The following PFKFB1 variants were observed in gnomAD, a reference collection of about 807,000 sequenced individuals.
PFKFB1 encodes 6-phosphofructo-2-kinase/fructose-2,6-bisphosphatase 1.
Under a neutral mutation model 46.4 loss-of-function variants are expected in PFKFB1, and 34 were observed. The ratio of observed to expected loss-of-function variants is 0.73; its 90% confidence interval spans 0.56 to 0.98. The LOEUF (loss-of-function observed/expected upper bound fraction) is 0.98. Among genes scored for constraint, PFKFB1 ranks in the 50% least tolerant of loss-of-function variants. The pLI is 0.00. For synonymous variants in PFKFB1, 119 were observed against 133.8 expected (o/e 0.89, Z 0.76); for missense variants, 393 against 376.3 (o/e 1.04, Z -0.37).
chrX:54,994,144 G>C lies in PFKFB1; in HGVS notation c.-137C>G. On this transcript the variant is annotated 5_prime_UTR_variant, in exon 1 of 14. Transcript: ENST00000375006. ...GGGACAGGGGGTGTACTGGGTTTCT[G>C]AGCCCTCTCAAAGTCTGTCTTCAGT... The C allele has an allele frequency of 9.1e-7, 1 of 1,095,775 alleles. No homozygotes were observed. The highest frequency in any genetic ancestry group is 1.2e-6 in the Non-Finnish European group (1 of 841,675). The allele number at this position is 1,095,775 out of a possible 1,213,427, so 90.3% of individuals were successfully genotyped here.
chrX:54,939,983 A>T (rs1413869675), intron 10 of PFKFB1, among the ~76,000 whole-genome samples: 5 of 112,144 alleles, frequency 4.5e-5, no homozygotes, highest in African/African-American at 1.6e-4. Flanking sequence ...ATCGATGCAA[A>T]AATGCTCAAT....
chrX:54,983,239 G>T lies in PFKFB1; in HGVS notation c.97+10672C>A, dbSNP rs193226095. ...TAAATTAATGTCACAAGAGTTTGTT[G>T]TACAGATTATTTTGTCACCCAGGTG... On this transcript the variant is annotated intron_variant, in intron 1 of 13. Coordinates refer to ENST00000375006, the MANE Select transcript of PFKFB1 (RefSeq NM_002625.4). Among the ~76,000 whole-genome samples, 8 of 111,399 alleles carry T rather than the reference G, an allele frequency of 7.2e-5. No individual in the cohort carries two copies. In the East Asian group the frequency reaches 2.3e-3, roughly 32 times the overall value.
At chrX:54,968,628 C>T (rs1226021140) in intron 1 of PFKFB1, among the ~76,000 whole-genome samples, 1 of 110,776 alleles carries the variant, frequency 9.0e-6, no homozygotes, top group Non-Finnish European at 1.9e-5. Flanking sequence ...ATAGATGAAA[C>T]AAATTCCTCA....
intron 7 of PFKFB1, among the ~76,000 whole-genome samples, chrX:54,953,020 T>C (rs1934033711): frequency 9.0e-6 from 1 of 111,652 alleles, no homozygotes; most frequent in Non-Finnish European, 1.9e-5. Context: ...TTTAAACTGT[T>C]CAACCACCTG....
chrX:54,940,041 C>G (rs1186071855), intron 10 of PFKFB1, among the ~76,000 whole-genome samples: 1 of 111,882 alleles, frequency 8.9e-6, no homozygotes. Flanking sequence ...AGCTTATCCA[C>G]TATGATCAAG....
chrX:54,975,915 A>G (rs1266749169), intron 1 of PFKFB1, among the ~76,000 whole-genome samples: 1 of 111,580 alleles, frequency 9.0e-6, no homozygotes, highest in Admixed American at 9.5e-5. Context: ...GAACTTGAAT[A>G]CTTAAACCTT....
chrX:54,994,094 G>A lies in PFKFB1; in HGVS notation c.-87C>T. 8.7e-7 allele frequency: 1 copy of A among 1,143,297 alleles called. No homozygotes were observed. The highest frequency in any genetic ancestry group is 2.1e-5 in the South Asian group (1 of 48,546). 94.2% of individuals were successfully genotyped at this position (1,143,297 alleles called of 1,213,427 possible). ...ACTAGCTGTCTTTTCTCTCGCTGTG[G>A]CCACAGCAGCAGGTGGACAGGGCTG... is the stretch of plus-strand genomic sequence containing the variant. On this transcript the variant is annotated 5_prime_UTR_variant, in exon 1 of 14. Coordinates refer to ENST00000375006, the MANE Select transcript of PFKFB1 (RefSeq NM_002625.4).
rs763173207 is a variant in PFKFB1, at chrX:54,981,187, G to T, written c.97+12724C>A. On this transcript the variant is annotated intron_variant, in intron 1 of 13. Transcript: ENST00000375006. Reference sequence around the variant, plus strand: ...ATGGGTTTAATTACAGTTCCAGAAAGAAAAGAATTGATGAAAGATACCAGT... The same window carrying T: ...ATGGGTTTAATTACAGTTCCAGAAATAAAAGAATTGATGAAAGATACCAGT... Among the ~76,000 whole-genome samples, 270 of 110,524 alleles carry T rather than the reference G, an allele frequency of 2.4e-3. 1 individual carries two copies. Among genetic ancestry groups the T allele is most frequent in the African/African-American group, 8.3e-3 (253 of 30,534 alleles).
upstream of PFKFB1, chrX:54,998,652 C>T: frequency 2.5e-6 from 1 of 401,136 alleles, no homozygotes; most frequent in Non-Finnish European, 4.3e-6. Context: ...CTCTTCAGTC[C>T]AACCATGTGT....
intron 11 of PFKFB1, 104 bp from the exon 12 acceptor site, chrX:54,935,113 G>T: frequency 1.6e-6 from 1 of 613,731 alleles, no homozygotes; most frequent in Non-Finnish European, 2.7e-6. Flanking sequence ...ATGTCCCCTT[G>T]CCGTGGTGGG....
chrX:54,969,217 C>A (rs1192410652), intron 1 of PFKFB1, among the ~76,000 whole-genome samples: 1 of 111,800 alleles, frequency 8.9e-6, no homozygotes, highest in Admixed American at 9.5e-5. Flanking sequence ...GTCATGAGGG[C>A]TCTACCTTCA....
At chrX:54,980,735 A>G (rs1344460402) in intron 1 of PFKFB1, among the ~76,000 whole-genome samples, 1 of 109,592 alleles carries the variant, frequency 9.1e-6, no homozygotes, top group Non-Finnish European at 1.9e-5. Context: ...ACACACACAC[A>G]CACACACACA....
At chrX:54,938,854 A>C (rs1933505185) in intron 10 of PFKFB1, among the ~76,000 whole-genome samples, 1 of 111,666 alleles carries the variant, frequency 9.0e-6, no homozygotes, top group African/African-American at 3.3e-5. Context: ...TAACAAGGAT[A>C]TCCAGGAATT....
At chrX:54,938,918 C>T (rs751818613) in intron 10 of PFKFB1, among the ~76,000 whole-genome samples, 3 of 111,805 alleles carry the variant, frequency 2.7e-5, no homozygotes, top group African/African-American at 9.8e-5. Context: ...ACTCTCCACC[C>T]CAAATCAATA....
chrX:54,985,800 A>T (rs1218655039), intron 1 of PFKFB1, among the ~76,000 whole-genome samples: 1 of 109,987 alleles, frequency 9.1e-6, no homozygotes, highest in East Asian at 2.8e-4. Flanking sequence ...AAATTTTTAT[A>T]TCTCATTGAA....
At chrX:54,990,875 T>C (rs1935221972) in intron 1 of PFKFB1, among the ~76,000 whole-genome samples, 1 of 112,372 alleles carries the variant, frequency 8.9e-6, no homozygotes. Context: ...AAAACATGTT[T>C]AATAAAATTC....
chrX:54,963,505 A>C (rs1602202633), intron 1 of PFKFB1, 123 bp from the exon 2 acceptor site: 1 of 748,875 alleles, frequency 1.3e-6, no homozygotes, highest in East Asian at 3.4e-5. Context: ...AAAAACCGGG[A>C]AAGTGAAAAT....
intron 6 of PFKFB1, among the ~76,000 whole-genome samples, chrX:54,957,298 G>A (rs1934179522): frequency 9.0e-6 from 1 of 111,464 alleles, no homozygotes; most frequent in South Asian, 3.8e-4. Context: ...CATTAGGAAG[G>A]CTTCCCTGAT....
At chrX:54,943,910 C>A (rs746318569) in intron 10 of PFKFB1, among the ~76,000 whole-genome samples, 8 of 111,528 alleles carry the variant, frequency 7.2e-5, no homozygotes, top group African/African-American at 2.6e-4. Context: ...TAAACATTGA[C>A]TGCATACAAT....
Sources: gnomAD v4.1 joint callset for allele counts (sites outside exome capture counted in the v4.1 genomes callset) on GRCh38, gnomAD v4.1.1 for gene constraint, MANE v1.5 for transcripts, NCBI Gene and HGNC (gene_info 2026-07-23, HGNC 2026-07-21) for gene names.